PRKD1: variants seen among roughly 807,000 people sequenced by gnomAD.
The protein encoded by PRKD1 is protein kinase D1, also known as serine/threonine-protein kinase D1.
Under a neutral mutation model 95.9 loss-of-function variants are expected in PRKD1, and 63 were observed. The observed-to-expected ratio is 0.66, with a 90% CI of 0.54 to 0.81. PRKD1 has a LOEUF of 0.81. Among genes scored for constraint, PRKD1 ranks in the 30% least tolerant of loss-of-function variants. The probability of loss-of-function intolerance (pLI) is 0.00; values close to 1 mark genes in which losing one functional copy is unlikely to be tolerated. For missense variants in PRKD1, 1,048 were observed against 1,165.3 expected (o/e 0.90, Z 1.47); for synonymous variants, 425 against 423.1 (o/e 1.00, Z -0.05).
At chr14:29,614,139 T>C (rs1260783913) in intron 13 of PRKD1, among the ~76,000 whole-genome samples, 1 of 152,214 alleles carries the variant, frequency 6.6e-6, no homozygotes. Flanking sequence ...ATTCCAAATA[T>C]TACTAGGGTG....
At chr14:29,612,821 G>A (rs945015687) in intron 13 of PRKD1, among the ~76,000 whole-genome samples, 143 of 152,248 alleles carry the variant, frequency 9.4e-4, no homozygotes, top group East Asian at 1.7e-3. Flanking sequence ...CATGTAGGGC[G>A]GGCACGGTGG....
intron 13 of PRKD1, among the ~76,000 whole-genome samples, chr14:29,620,321 A>C (rs1879161221): frequency 6.6e-6 from 1 of 151,834 alleles, no homozygotes. Context: ...CAAAATTGAC[A>C]AATGGGATAT....
chr14:29,610,092 C>T (rs982893489), intron 13 of PRKD1, among the ~76,000 whole-genome samples: 20 of 10,554 alleles, frequency 1.9e-3, no homozygotes, highest in African/African-American at 4.7e-3. Context: ...TCATTTTTTT[C>T]TAGTTTTTTT....
chr14:29,740,753 A>G (rs1256459514), intron 1 of PRKD1, among the ~76,000 whole-genome samples: 1 of 152,220 alleles, frequency 6.6e-6, no homozygotes, highest in Non-Finnish European at 1.5e-5. Context: ...ATTACTGGGT[A>G]TATGCCTAGA....
chr14:29,618,645 G>C (rs149679028), intron 13 of PRKD1, among the ~76,000 whole-genome samples: 2 of 152,254 alleles, frequency 1.3e-5, no homozygotes, highest in Middle Eastern at 3.4e-3. Flanking sequence ...AATGGCATGA[G>C]ATGTAAATGA....
At chr14:29,895,100 G>A (rs1372192210) in intron 1 of PRKD1, among the ~76,000 whole-genome samples, 5 of 152,212 alleles carry the variant, frequency 3.3e-5, no homozygotes, top group Non-Finnish European at 7.3e-5. Context: ...GGGAGGCTGA[G>A]GCAGGCAGAT....
At chr14:29,677,936 G>GAGTT (rs908729495) in intron 2 of PRKD1, among the ~76,000 whole-genome samples, 1 of 152,116 alleles carries the variant, frequency 6.6e-6, no homozygotes, top group Non-Finnish European at 1.5e-5. Flanking sequence ...CTGTTGATTT[G>GAGTT]AGTTAGTTAT....
chr14:29,737,357 A>AAAAAG (rs1886779124), intron 1 of PRKD1, among the ~76,000 whole-genome samples: 3 of 147,950 alleles, frequency 2.0e-5, no homozygotes, highest in Admixed American at 6.7e-5. Flanking sequence ...AAAAAAAAAA[A>AAAAAG]AAAAATACTC....
intron 1 of PRKD1, among the ~76,000 whole-genome samples, chr14:29,726,165 T>C (rs1886132615): frequency 6.6e-6 from 1 of 152,152 alleles, no homozygotes. Context: ...ACATATTCTG[T>C]ATGTGAGTAG....
chr14:29,651,449 T>C (rs1438852964), intron 4 of PRKD1, among the ~76,000 whole-genome samples: 1 of 152,180 alleles, frequency 6.6e-6, no homozygotes, highest in African/African-American at 2.4e-5. Context: ...CAAGAAGGAA[T>C]TCATCTGATT....
chr14:29,762,162 A>C (rs1167727595), intron 1 of PRKD1, among the ~76,000 whole-genome samples: 1 of 152,166 alleles, frequency 6.6e-6, no homozygotes, highest in East Asian at 1.9e-4. Context: ...GCAACTGTAC[A>C]ATTCTTTGGA....
At chr14:29,859,600 T>A (rs2139355976) in intron 1 of PRKD1, among the ~76,000 whole-genome samples, 1 of 136,282 alleles carries the variant, frequency 7.3e-6, no homozygotes, top group African/African-American at 3.3e-5. Flanking sequence ...AGAGCAAGAC[T>A]CTGTCTCAAA....
intron 1 of PRKD1, among the ~76,000 whole-genome samples, chr14:29,753,285 C>T (rs1265088514): frequency 6.6e-6 from 1 of 152,036 alleles, no homozygotes; most frequent in Admixed American, 6.6e-5. Context: ...TAATGAGTAT[C>T]CACTATCTGC....
chr14:29,594,156 T>A (rs1195498899), intron 16 of PRKD1: 2 of 453,622 alleles, frequency 4.4e-6, no homozygotes, highest in South Asian at 3.1e-5. Context: ...TATTATATTG[T>A]ATCAAGTCAA....
chr14:29,718,259 A>C (rs887371126), intron 2 of PRKD1, among the ~76,000 whole-genome samples: 1 of 152,118 alleles, frequency 6.6e-6, no homozygotes, highest in Non-Finnish European at 1.5e-5. Flanking sequence ...TGTTCTCGTG[A>C]TAGTGAGTGA....
chr14:29,662,553 C>G (rs1882242211), intron 4 of PRKD1, among the ~76,000 whole-genome samples: 1 of 152,040 alleles, frequency 6.6e-6, no homozygotes, highest in Non-Finnish European at 1.5e-5. Context: ...ACTGAAAACA[C>G]AAGAAACCCC....
At chr14:29,817,159 G>C (rs1166546859) in intron 1 of PRKD1, among the ~76,000 whole-genome samples, 2 of 152,026 alleles carry the variant, frequency 1.3e-5, no homozygotes, top group East Asian at 1.9e-4. Flanking sequence ...GTGAAATTTT[G>C]AACTAACATA....
At position 29,626,545 on chromosome 14, in the gene PRKD1, T is replaced by G; in HGVS notation, c.1737A>C (p.Thr579=). 6.2e-7 allele frequency: 1 copy of G among 1,610,988 alleles called. No homozygotes were observed. Among genetic ancestry groups the G allele is most frequent in the Non-Finnish European group, 8.5e-7 (1 of 1,178,526 alleles). ...CTTCATCAGGAAAAATCTGATATACTGTGCTGATGTCCTAGAGGTACAAGC... is the reference window on the plus strand; with the variant it reads ...CTTCATCAGGAAAAATCTGATATACGGTGCTGATGTCCTAGAGGTACAAGC... ...CQIQENVDIS[T]VYQIFPDEVL... The change falls in exon 12 of 18, where the codon ACA becomes ACC. Residue 579 remains threonine (T), a synonymous_variant. Coordinates refer to ENST00000331968, the MANE Select transcript of PRKD1 (RefSeq NM_002742.3).
chr14:29,780,960 T>C (rs1889016016), intron 1 of PRKD1, among the ~76,000 whole-genome samples: 1 of 151,812 alleles, frequency 6.6e-6, no homozygotes, highest in African/African-American at 2.4e-5. Flanking sequence ...TATGCCACCA[T>C]AAAAAAGGAT....
Sources: gnomAD v4.1 joint callset for allele counts (sites outside exome capture counted in the v4.1 genomes callset) on GRCh38, gnomAD v4.1.1 for gene constraint, MANE v1.5 for transcripts, NCBI Gene and HGNC (gene_info 2026-07-23, HGNC 2026-07-21) for gene names.